The following PPP1R13B variants were observed in gnomAD, a reference collection of about 807,000 sequenced individuals.
PPP1R13B encodes protein phosphatase 1 regulatory subunit 13B.
In PPP1R13B, 44 loss-of-function variants were observed where a neutral mutation model predicts 119.8. The observed-to-expected ratio is 0.37, with a 90% CI of 0.29 to 0.47. The LOEUF (loss-of-function observed/expected upper bound fraction) is 0.47. Ranked by LOEUF, PPP1R13B falls within the 20% of genes least tolerant of loss-of-function variation. The probability of loss-of-function intolerance (pLI) is 0.99; values close to 1 mark genes in which losing one functional copy is unlikely to be tolerated. For missense variants in PPP1R13B, 1,227 were observed against 1,413.5 expected (o/e 0.87, Z 2.12); for synonymous variants, 542 against 561.5 (o/e 0.97, Z 0.49).
At chr14:103,757,794 T>C in intron 4 of PPP1R13B, 43 bp from the exon 5 acceptor site, 1 of 1,536,074 alleles carries the variant, frequency 6.5e-7, no homozygotes, top group African/African-American at 1.4e-5. Context: ...TTTATCTGCA[T>C]AATTGTCTGT....
At chr14:103,736,798 G>C (rs2084125388) in intron 15 of PPP1R13B, 1 of 154,590 alleles carries the variant, frequency 6.5e-6, no homozygotes, top group African/African-American at 2.4e-5. Context: ...TTTGTTGCTT[G>C]GCTCTGTTGT....
intron 1 of PPP1R13B, among the ~76,000 whole-genome samples, chr14:103,841,316 G>A (rs564260413): frequency 3.8e-4 from 57 of 151,900 alleles, no homozygotes; most frequent in African/African-American, 4.3e-4. Context: ...GGCTGGGCGC[G>A]GTGGCTCAAG....
chr14:103,758,612 G>T (rs1423487307), intron 4 of PPP1R13B, among the ~76,000 whole-genome samples: 2 of 152,190 alleles, frequency 1.3e-5, no homozygotes. Flanking sequence ...GGTTGTGGGG[G>T]TTATGTGAGC....
At chr14:103,768,557 A>G (rs1046273269) in intron 4 of PPP1R13B, among the ~76,000 whole-genome samples, 10 of 151,638 alleles carry the variant, frequency 6.6e-5, no homozygotes, top group African/African-American at 2.2e-4. Flanking sequence ...TCAGCCTCCC[A>G]AAGTGCTGGG....
Position 103,742,862 on chromosome 14 carries a change from A to G in PPP1R13B, c.1151-39T>C. On this transcript the variant is annotated intron_variant, in intron 9 of 16. Transcript: ENST00000202556. This position sits in a 1 kb window ranked among gnomAD's most constrained non-coding sequence, Gnocchi z 4.9. ...CAGAACTTACGTAAAACTTTTCTCAATGTAGTTGAACCAACCTAAGAATAA... is the reference window on the plus strand; with the variant it reads ...CAGAACTTACGTAAAACTTTTCTCAGTGTAGTTGAACCAACCTAAGAATAA... 1 of 1,608,330 alleles carries G rather than the reference A, an allele frequency of 6.2e-7. No individual in the cohort carries two copies. Among genetic ancestry groups the G allele is most frequent in the Non-Finnish European group, 8.5e-7 (1 of 1,176,418 alleles).
intron 3 of PPP1R13B, among the ~76,000 whole-genome samples, chr14:103,779,371 A>G (rs991038157): frequency 6.6e-6 from 1 of 152,200 alleles, no homozygotes; most frequent in Non-Finnish European, 1.5e-5. Flanking sequence ...TTTACATTCT[A>G]TCTCAGAATC....
intron 4 of PPP1R13B, among the ~76,000 whole-genome samples, chr14:103,765,010 G>C (rs1175321540): frequency 6.6e-6 from 1 of 152,132 alleles, no homozygotes; most frequent in African/African-American, 2.4e-5. Flanking sequence ...AGTAGAGATG[G>C]GGTTTCACCG....
chr14:103,751,111 G>A lies in PPP1R13B; in HGVS notation c.829-1177C>T, dbSNP rs568547846. Among the ~76,000 whole-genome samples the A allele has an allele frequency of 3.0e-3, 452 of 151,678 alleles. 2 individuals are homozygous for A. The highest frequency in any genetic ancestry group is 0.01 in the African/African-American group (426 of 41,308). On this transcript the variant is annotated intron_variant, in intron 7 of 16. Coordinates refer to ENST00000202556, the MANE Select transcript of PPP1R13B (RefSeq NM_015316.3). ...AGAGGTTGCAGTGAGCCGAGATCGT[G>A]CCACTGCACTCCAGCCTTGGACTCC...
chr14:103,800,840 A>G (rs78858593), intron 1 of PPP1R13B, among the ~76,000 whole-genome samples: 1,919 of 151,526 alleles, frequency 0.013, 41 homozygotes, highest in African/African-American at 0.044. Flanking sequence ...CACCGTTACC[A>G]TTTCATTTTT....
At chr14:103,786,619 G>A (rs2085467347) in intron 2 of PPP1R13B, among the ~76,000 whole-genome samples, 1 of 151,668 alleles carries the variant, frequency 6.6e-6, no homozygotes, top group African/African-American at 2.4e-5. Flanking sequence ...ACAAAAATTA[G>A]CCGGGCATGG....
chr14:103,734,715 G>A lies in PPP1R13B; in HGVS notation c.*439C>T, dbSNP rs754701347. 4.6e-5 allele frequency: 21 copies of A among 458,876 alleles called. No homozygotes were observed. The highest frequency in any genetic ancestry group is 7.0e-5 in the Non-Finnish European group (16 of 228,428). 28.4% of individuals were successfully genotyped at this position (458,876 alleles called of 1,614,324 possible). ...ATGTGTGGGAAGTGTGAGAAAGGAT[G>A]AGTGTCCGATTCGGTGACGGGGGGC... On this transcript the variant is annotated 3_prime_UTR_variant, in exon 17 of 17. Transcript: ENST00000202556.
intron 1 of PPP1R13B, among the ~76,000 whole-genome samples, chr14:103,838,993 ATTTCTT>A (rs936750265): frequency 3.9e-5 from 6 of 152,078 alleles, no homozygotes; most frequent in Admixed American, 1.3e-4. Flanking sequence ...ACTGTGTTTC[ATTTCTT>A]TTTCTTTTTT....
chr14:103,738,782 C>T lies in PPP1R13B; in HGVS notation c.2761G>A (p.Gly921Arg). The T allele has an allele frequency of 6.2e-7, 1 of 1,614,184 alleles. No individual in the cohort carries two copies. Among genetic ancestry groups the T allele is most frequent in the Non-Finnish European group, 8.5e-7 (1 of 1,180,024 alleles). ...VEDPSKPNDE[G>R]ITPLHNAVCA... is the part of the protein sequence containing the mutation. Reference sequence around the variant, plus strand: ...ACGGCGTTGTGCAGTGGGGTGATCCCTTCGTCGTTGGGCTTGCTGGGATCT... The same window carrying T: ...ACGGCGTTGTGCAGTGGGGTGATCCTTTCGTCGTTGGGCTTGCTGGGATCT... Residue 921 changes from glycine to arginine, a missense_variant, in exon 14 of 17, where the codon GGG (glycine) becomes AGG (arginine). Physicochemically the swap from Gly to Arg is moderately radical, Grantham distance 125 (BLOSUM62 -2). Coordinates refer to ENST00000202556, the MANE Select transcript of PPP1R13B (RefSeq NM_015316.3). The surrounding 1 kb of genome is among the most constrained non-coding windows in gnomAD (Gnocchi z 5.6).
chr14:103,772,178 C>A (rs2085086234), intron 4 of PPP1R13B, among the ~76,000 whole-genome samples: 1 of 152,194 alleles, frequency 6.6e-6, no homozygotes, highest in Non-Finnish European at 1.5e-5. Context: ...TAGTTCATTT[C>A]TTCTGATTGT....
Position 103,742,595 on chromosome 14 carries a change from G to A in PPP1R13B, c.1320+59C>T. On this transcript the variant is annotated intron_variant, in intron 10 of 16. Transcript: ENST00000202556. This position sits in a 1 kb window ranked among gnomAD's most constrained non-coding sequence, Gnocchi z 4.9. ...TCATACCCTTTAGCTTAGTACTAAG[G>A]CAGAAGAGAGCCCTGTTGAAGAGCC... 6.4e-7 allele frequency: 1 copy of A among 1,573,524 alleles called. No individual in the cohort carries two copies. Among genetic ancestry groups the A allele is most frequent in the South Asian group, 1.2e-5 (1 of 85,618 alleles).
At chr14:103,767,065 A>G (rs2084954976) in intron 4 of PPP1R13B, among the ~76,000 whole-genome samples, 2 of 152,200 alleles carry the variant, frequency 1.3e-5, no homozygotes, top group Non-Finnish European at 2.9e-5. Context: ...CACCTGCCCA[A>G]TGACCCGAAG....
intron 1 of PPP1R13B, among the ~76,000 whole-genome samples, chr14:103,798,360 G>A (rs1000868523): frequency 2.6e-5 from 4 of 151,990 alleles, no homozygotes; most frequent in African/African-American, 9.6e-5. Context: ...CACCGTGTTA[G>A]CCAGGATGGT....
chr14:103,761,546 G>A (rs770678741), intron 4 of PPP1R13B, among the ~76,000 whole-genome samples: 3 of 151,822 alleles, frequency 2.0e-5, no homozygotes, highest in Non-Finnish European at 2.9e-5. Flanking sequence ...GGCGGATCAC[G>A]AGGTCAGGAG....
rs1421116098 is a variant in PPP1R13B, at chr14:103,733,924, T to C, written c.*1230A>G. On this transcript the variant is annotated 3_prime_UTR_variant, in exon 17 of 17. Transcript: ENST00000202556. ...GGCTACAGTGCTGCATCAGTGAGTC[T>C]GTACACACATTTTTACATAAATTAC... The C allele has an allele frequency of 6.4e-6, 1 of 156,296 alleles. No homozygotes were observed. The highest frequency in any genetic ancestry group is 1.4e-5 in the Non-Finnish European group (1 of 70,346). 9.7% of individuals were successfully genotyped at this position (156,296 alleles called of 1,614,324 possible). A position where few individuals can be genotyped will look rare whatever the true frequency, so the allele number is the denominator to read the frequency against.
Sources: gnomAD v4.1 joint callset for allele counts (sites outside exome capture counted in the v4.1 genomes callset) on GRCh38, gnomAD v4.1.1 for gene constraint, Gnocchi (gnomAD v3.1) non-coding constraint, MANE v1.5 for transcripts, NCBI Gene and HGNC (gene_info 2026-07-23, HGNC 2026-07-21) for gene names.